PARP1: variants seen among roughly 807,000 people sequenced by gnomAD.
PARP1 encodes poly(ADP-ribose) polymerase 1, also known as poly [ADP-ribose] polymerase 1.
Under a neutral mutation model 118.7 loss-of-function variants are expected in PARP1, and 44 were observed. The observed-to-expected ratio is 0.37, with a 90% CI of 0.29 to 0.48. PARP1 has a LOEUF of 0.48. PARP1 is among the 20% of genes least tolerant of loss of function. The probability of loss-of-function intolerance (pLI) is 0.99; values close to 1 mark genes in which losing one functional copy is unlikely to be tolerated. For missense variants in PARP1, 1,100 were observed against 1,272.4 expected (o/e 0.86, Z 2.06); for synonymous variants, 492 against 483.2 (o/e 1.02, Z -0.24).
chr1:226,396,739 GT>G, intron 2 of PARP1, among the ~76,000 whole-genome samples: 1 of 151,812 alleles, frequency 6.6e-6, no homozygotes, highest in East Asian at 1.9e-4. Flanking sequence ...TTACACTTAG[GT>G]CAGCCTGGCC....
chr1:226,362,309 C>T, intron 21 of PARP1: 1 of 499,630 alleles, frequency 2.0e-6, no homozygotes, highest in East Asian at 3.7e-5. Flanking sequence ...CCTCAGCCTC[C>T]TGAGTAGCTG....
chr1:226,407,956 G>A lies in PARP1; in HGVS notation c.-27C>T. ...CTCCCCTAGCTGCCGCCAAAGCTCC[G>A]GAAGCCCGACGCCACGACCTAGAAA... On this transcript the variant is annotated 5_prime_UTR_variant, in exon 1 of 23. Transcript: ENST00000366794. 3.1e-6 allele frequency: 5 copies of A among 1,611,774 alleles called. No homozygotes were observed. The highest frequency in any genetic ancestry group is 4.2e-6 in the Non-Finnish European group (5 of 1,178,876).
At chr1:226,394,386 T>C (rs1664875794) in intron 2 of PARP1, among the ~76,000 whole-genome samples, 1 of 152,156 alleles carries the variant, frequency 6.6e-6, no homozygotes, top group Admixed American at 6.5e-5. Context: ...AGGAATGGTA[T>C]GTTAGTAGAG....
chr1:226,362,690 A>C (rs1664167585), intron 21 of PARP1, among the ~76,000 whole-genome samples: 1 of 152,216 alleles, frequency 6.6e-6, no homozygotes, highest in Non-Finnish European at 1.5e-5. Flanking sequence ...ATGTCACGAG[A>C]GGTCCCTCAC....
intron 16 of PARP1, among the ~76,000 whole-genome samples, chr1:226,367,847 C>T (rs1397376122): frequency 6.6e-6 from 1 of 152,178 alleles, no homozygotes; most frequent in Middle Eastern, 3.2e-3. Flanking sequence ...TGTCTTTCCT[C>T]TCGTACATGC....
In PARP1 at chr1:226,402,347, C is replaced by T. The variant is rs2102747264; in HGVS notation, c.153G>A (p.Trp51Ter). 1 of 1,613,784 alleles carries T rather than the reference C, an allele frequency of 6.2e-7. No homozygotes were observed. The highest frequency in any genetic ancestry group is 1.1e-5 in the South Asian group (1 of 91,078). The change falls in exon 2 of 23, where the codon TGG becomes TGA. Residue 51 changes from tryptophan (W) to a stop codon, truncating the protein, a stop_gained. Transcript: ENST00000366794. LOFTEE classifies it high-confidence loss of function. ...SPMFDGKVPH[W>*]YHFSCFWKVG... is the part of the protein sequence containing the mutation. ...CCTTCCAGAAGCAGGAGAAGTGGTACCAGTGTGGGACTTTTCCATCAAACA... is the reference window on the plus strand; with the variant it reads ...CCTTCCAGAAGCAGGAGAAGTGGTATCAGTGTGGGACTTTTCCATCAAACA...
At chr1:226,385,183 A>T (rs1323413998) in intron 7 of PARP1, among the ~76,000 whole-genome samples, 1 of 152,228 alleles carries the variant, frequency 6.6e-6, no homozygotes, top group Non-Finnish European at 1.5e-5. Flanking sequence ...ATTACTATCC[A>T]TTTCTTCACC....
intron 14 of PARP1, among the ~76,000 whole-genome samples, chr1:226,373,217 C>T (rs1664424634): frequency 6.6e-6 from 1 of 152,204 alleles, no homozygotes. Flanking sequence ...CTTGGGAAGA[C>T]AGCAGAACGT....
intron 13 of PARP1, among the ~76,000 whole-genome samples, chr1:226,376,821 G>A (rs1483055842): frequency 6.6e-6 from 1 of 152,148 alleles, no homozygotes; most frequent in Admixed American, 6.5e-5. Flanking sequence ...TTAGGATTTT[G>A]TATCTCTATT....
chr1:226,379,200 C>T lies in PARP1; in HGVS notation c.1687G>A (p.Val563Ile), dbSNP rs770190206. 26 of 1,614,144 alleles carry T rather than the reference C, an allele frequency of 1.6e-5. No homozygotes were observed. The highest frequency in any genetic ancestry group is 6.7e-5 in the Admixed American group (4 of 60,012). Residue 563 changes from valine to isoleucine, a missense_variant, in exon 12 of 23, where the codon GTT (valine) becomes ATT (isoleucine). Coordinates refer to ENST00000366794, the MANE Select transcript of PARP1 (RefSeq NM_001618.4). ...TTGTAGTAGGAGTTGGTTCCTTTAACGATGTCCACCAGGCCAAGGGTGGCA... is the reference window on the plus strand; with the variant it reads ...TTGTAGTAGGAGTTGGTTCCTTTAATGATGTCCACCAGGCCAAGGGTGGCA... ...FSATLGLVDI[V>I]KGTNSYYKLQ... is the part of the protein sequence containing the mutation.
Position 226,366,845 on chromosome 1 carries a change from G to A in PARP1, c.2406+635C>T, listed in dbSNP as rs1664278234. 2 of 162,828 alleles carry A rather than the reference G, an allele frequency of 1.2e-5. 1 individual carries two copies. The highest frequency in any genetic ancestry group is 3.3e-4 in the South Asian group (2 of 6,006). The allele number at this position is 162,828 out of a possible 1,614,324, so 10.1% of individuals were successfully genotyped here. On this transcript the variant is annotated intron_variant, in intron 17 of 22. Transcript: ENST00000366794. ...CTGGTACCAGACTCAACATACTCTC[G>A]CCCACCCAAACCCCTGCAACACTGC...
At chr1:226,406,912 G>A (rs4653733) in intron 1 of PARP1, among the ~76,000 whole-genome samples, 34,310 of 152,150 alleles carry the variant, frequency 0.23, 4,655 homozygotes, top group African/African-American at 0.37. Context: ...TGGAAGGGAG[G>A]AAAATCAAGC....
chr1:226,402,434 C>T (rs1665056854), intron 1 of PARP1, 55 bp from the exon 2 acceptor site: 3 of 1,544,586 alleles, frequency 1.9e-6, no homozygotes, highest in Middle Eastern at 1.7e-4. Flanking sequence ...TTGACTTAGA[C>T]CCACTAGACC....
At chr1:226,407,066 C>T (rs1308485293) in intron 1 of PARP1, among the ~76,000 whole-genome samples, 1 of 152,078 alleles carries the variant, frequency 6.6e-6, no homozygotes, top group Non-Finnish European at 1.5e-5. Context: ...TGACAGGGGC[C>T]TTCAAGCCCA....
At chr1:226,402,836 T>A (rs576107500) in intron 1 of PARP1, among the ~76,000 whole-genome samples, 1 of 152,240 alleles carries the variant, frequency 6.6e-6, no homozygotes, top group Non-Finnish European at 1.5e-5. Context: ...AAAGGGCCTG[T>A]GTGCCCCAGA....
At chr1:226,405,424 C>T (rs1293177747) in intron 1 of PARP1, among the ~76,000 whole-genome samples, 3 of 152,120 alleles carry the variant, frequency 2.0e-5, no homozygotes, top group Non-Finnish European at 4.4e-5. Context: ...CAGCTTCAGC[C>T]TCCGGAGTAG....
intron 1 of PARP1, among the ~76,000 whole-genome samples, chr1:226,406,924 A>C (rs1198564445): frequency 2.0e-5 from 3 of 152,192 alleles, no homozygotes; most frequent in Non-Finnish European, 4.4e-5. Context: ...AAATCAAGCT[A>C]CCTTGACCAT....
At chr1:226,382,330 CAG>C (rs1169870828) in intron 8 of PARP1, among the ~76,000 whole-genome samples, 3 of 152,210 alleles carry the variant, frequency 2.0e-5, no homozygotes, top group East Asian at 3.9e-4. Flanking sequence ...CTGCATACAA[CAG>C]AGACTTGAGC....
In PARP1 at chr1:226,383,055, C is replaced by T; in HGVS notation, c.1140G>A (p.Val380=). The part of the protein sequence containing the change: ...PPSTASAPAA[V]NSSASADKPL... The stretch of plus-strand genomic sequence containing the variant: ...CTGTACCTGCTGAAGCAGAGGAGTT[C>T]ACAGCAGCAGGAGCCGAGGCTGTGG... Residue 380 remains valine (V), a synonymous_variant, in exon 8 of 23, where the codon GTG becomes GTA. Coordinates refer to ENST00000366794, the MANE Select transcript of PARP1 (RefSeq NM_001618.4). 6.2e-7 allele frequency: 1 copy of T among 1,612,894 alleles called. No individual in the cohort carries two copies. Among genetic ancestry groups the T allele is most frequent in the African/African-American group, 1.3e-5 (1 of 75,026 alleles).
Sources: allele counts gnomAD v4.1 joint callset (sites outside exome capture counted in the v4.1 genomes callset), GRCh38; gene constraint gnomAD v4.1.1; transcripts MANE v1.5; gene names NCBI Gene and HGNC (gene_info 2026-07-23, HGNC 2026-07-21).